Variants in NKTR observed in about 807,000 individuals in gnomAD.
NKTR encodes the protein NK-tumor recognition protein.
In NKTR, 67 loss-of-function variants were observed where a neutral mutation model predicts 156.3. That is an observed-to-expected ratio of 0.43 (90% CI 0.35 to 0.53). The LOEUF is 0.53. Ranked by LOEUF, NKTR falls within the 20% of genes least tolerant of loss-of-function variation. The pLI is 0.01. For synonymous variants in NKTR, 640 were observed against 596.6 expected, an observed-to-expected ratio of 1.07 and a Z score of -1.06; for missense variants, 1,604 against 1,730.9, an observed-to-expected ratio of 0.93 and a Z score of 1.30.
chr3:42,631,337 A>G (rs781145072), intron 8 of NKTR, 21 bp downstream of exon 8: 1 of 1,610,838 alleles, frequency 6.2e-7, no homozygotes, highest in African/African-American at 1.3e-5. Context: ...TTTTGACAGT[A>G]GATGAAGCTA....
intron 6 of NKTR, chr3:42,629,201 C>G: frequency 2.0e-6 from 2 of 984,892 alleles, no homozygotes; most frequent in Non-Finnish European, 2.4e-6. Context: ...CTCACTAATT[C>G]ACTAGATAGT....
At chr3:42,641,618 A>G (rs339657) in intron 13 of NKTR, among the ~76,000 whole-genome samples, 142,401 of 152,276 alleles carry the variant, frequency 0.94, 66,730 homozygotes, top group East Asian at 1. Flanking sequence ...GGTGGCTCAC[A>G]CCTGTAATCC....
At chr3:42,623,351 C>G (rs1202823042) in intron 6 of NKTR, among the ~76,000 whole-genome samples, 2 of 151,928 alleles carry the variant, frequency 1.3e-5, no homozygotes, top group Non-Finnish European at 2.9e-5. Context: ...TTGAAATTTC[C>G]TTCTGGAAAG....
intron 2 of NKTR, among the ~76,000 whole-genome samples, chr3:42,605,512 C>T (rs1266297518): frequency 2.0e-5 from 3 of 152,144 alleles, no homozygotes; most frequent in South Asian, 2.1e-4. Flanking sequence ...TTGGTCAAGC[C>T]GTTTAACAAC....
chr3:42,622,274 G>C (rs1707988399), intron 6 of NKTR, among the ~76,000 whole-genome samples: 1 of 151,874 alleles, frequency 6.6e-6, no homozygotes, highest in African/African-American at 2.4e-5. Flanking sequence ...CTTATCTAAG[G>C]CTGCTTCAAA....
Position 42,631,466 on chromosome 3 carries a change from C to T in NKTR, c.550+150C>T, listed in dbSNP as rs1708888095. The T allele has an allele frequency of 1.0e-5, 9 of 895,450 alleles. No individual in the cohort carries two copies. The East Asian group carries it at 2.5e-4, about 24-fold the overall frequency. The allele number at this position is 895,450 out of a possible 1,614,324, so 55.5% of individuals were successfully genotyped here. ...CTACATGTTTAATCTTTTAGCATAT[C>T]TTGTCAGATCTTACTTTTTCTTATT... On this transcript the variant is annotated intron_variant, in intron 8 of 16. Transcript: ENST00000232978.
In NKTR at chr3:42,607,776, T is replaced by G. The variant is rs567582791; in HGVS notation, c.58+6712T>G. 2.0e-5 allele frequency among the ~76,000 whole-genome samples: 3 copies of G among 152,036 alleles called. No homozygotes were observed. In the East Asian group the frequency reaches 5.8e-4, roughly 29 times the overall value. On this transcript the variant is annotated intron_variant, in intron 2 of 16. Transcript: ENST00000232978. ...GCATTGTAGGGGTAGTTGGGTAAAT[T>G]TGAATATGGATTATTATGAGGAGTT...
At chr3:42,624,923 G>C (rs1220551250) in intron 6 of NKTR, among the ~76,000 whole-genome samples, 1 of 152,128 alleles carries the variant, frequency 6.6e-6, no homozygotes, top group Non-Finnish European at 1.5e-5. Context: ...TGAGTAAATA[G>C]TTTATAGCTT....
chr3:42,623,374 C>T (rs1304725826), intron 6 of NKTR, among the ~76,000 whole-genome samples: 2 of 151,656 alleles, frequency 1.3e-5, no homozygotes, highest in African/African-American at 2.4e-5. Context: ...GTTTGCAGTC[C>T]CTTTGGAAAG....
intron 2 of NKTR, among the ~76,000 whole-genome samples, chr3:42,608,055 T>C (rs1305022740): frequency 7.4e-6 from 1 of 135,794 alleles, no homozygotes; most frequent in Non-Finnish European, 1.5e-5. Context: ...AATGGCGCGA[T>C]CTCAGCTCAC....
chr3:42,601,162 C>T, intron 2 of NKTR, 98 bp downstream of exon 2: 8 of 1,017,720 alleles, frequency 7.9e-6, no homozygotes, highest in Non-Finnish European at 1.1e-5. Context: ...TTTTTGGGAG[C>T]GGGTAGGAGG....
At position 42,637,422 on chromosome 3, in the gene NKTR, A is replaced by G. The variant is rs1404166101; in HGVS notation, c.1718A>G (p.Gln573Arg). The G allele has an allele frequency of 4.3e-6, 7 of 1,613,392 alleles. No individual in the cohort carries two copies. The highest frequency in any genetic ancestry group is 5.1e-6 in the Non-Finnish European group (6 of 1,179,804). Residue 573 changes from glutamine to arginine, a missense_variant, in exon 13 of 17, where the codon CAG becomes CGG. By Grantham distance (43) the Gln-to-Arg change is conservative. This residue lies in a region of NKTR where 1,255 missense variants were observed against 1,243.7 expected (regional missense o/e 1.01). Coordinates refer to ENST00000232978, the MANE Select transcript of NKTR (RefSeq NM_005385.4). The stretch of plus-strand genomic sequence containing the variant: ...AAATCACCAAGAAAAACAGCTTCTC[A>G]GTTAAGTGAAAATAAACCAGTTAAA... ...ASKSPRKTASQLSENKPVKTE... is the reference protein window; with the variant it reads ...ASKSPRKTASRLSENKPVKTE...
At chr3:42,635,594 T>C (rs1264625156) in intron 12 of NKTR, 1 of 339,086 alleles carries the variant, frequency 2.9e-6, no homozygotes, top group African/African-American at 2.1e-5. Flanking sequence ...GCCTGTGTCT[T>C]TTAATGACCT....
At chr3:42,615,082 C>CTT (rs11409067) in intron 2 of NKTR, among the ~76,000 whole-genome samples, 23 of 143,476 alleles carry the variant, frequency 1.6e-4, no homozygotes, top group African/African-American at 4.0e-4. Flanking sequence ...TTTGTTTTTT[C>CTT]TTTTTTTTTT....
chr3:42,645,467 C>G (rs1039574294), intron 16 of NKTR, among the ~76,000 whole-genome samples: 7 of 152,078 alleles, frequency 4.6e-5, no homozygotes, highest in Admixed American at 1.3e-4. Context: ...GGTGGATCGT[C>G]TGAGGTCAGG....
At chr3:42,620,689 A>G in intron 5 of NKTR, 2 of 984,318 alleles carry the variant, frequency 2.0e-6, no homozygotes, top group Non-Finnish European at 2.4e-6. Context: ...AAATAACTCT[A>G]AGTGATCTTT....
chr3:42,642,078 A>G (rs1221265128), intron 13 of NKTR, among the ~76,000 whole-genome samples: 2 of 152,152 alleles, frequency 1.3e-5, no homozygotes, highest in African/African-American at 2.4e-5. Flanking sequence ...TAGATGTTCT[A>G]CATTTGCCTT....
In NKTR at chr3:42,637,385, AAG is replaced by A; in HGVS notation, c.1686_1687del (p.Arg562SerfsTer14). 1 of 1,614,010 alleles carries A rather than the reference AAG, an allele frequency of 6.2e-7. No individual in the cohort carries two copies. Among genetic ancestry groups the A allele is most frequent in the Non-Finnish European group, 8.5e-7 (1 of 1,179,978 alleles). Reference protein sequence around the residue: ...SRSSSKSGHRKRASKSPRKTA... With the variant: ...SRSSSKSGHRXRASKSPRKTA... ...ATCTAGTTCCAAGTCTGGGCACCGAAAGAGAGCATCAAAATCACCAAGAAAAA... is the reference window on the plus strand; with the variant it reads ...ATCTAGTTCCAAGTCTGGGCACCGAAAGAGCATCAAAATCACCAAGAAAAA... On this transcript the variant is annotated frameshift_variant, in exon 13 of 17. Coordinates refer to ENST00000232978, the MANE Select transcript of NKTR (RefSeq NM_005385.4). LOFTEE classifies it high-confidence loss of function.
At chr3:42,603,578 C>T (rs1398262351) in intron 2 of NKTR, among the ~76,000 whole-genome samples, 3 of 151,776 alleles carry the variant, frequency 2.0e-5, no homozygotes, top group Admixed American at 2.0e-4. Flanking sequence ...GTGATTAGCA[C>T]TCTTGAGAAC....
Sources: gnomAD v4.1 joint callset for allele counts (sites outside exome capture counted in the v4.1 genomes callset) on GRCh38, gnomAD v4.1.1 for gene constraint, gnomAD v4.1.1 regional missense constraint, MANE v1.5 for transcripts, NCBI Gene and HGNC (gene_info 2026-07-23, HGNC 2026-07-21) for gene names.